Variants in STX12 observed in about 807,000 individuals in gnomAD.
STX12 encodes syntaxin 12.
A neutral mutation model predicts 42.2 loss-of-function variants in STX12; 17 were observed. The ratio of observed to expected loss-of-function variants is 0.40; its 90% CI spans 0.28 to 0.60. The LOEUF (loss-of-function observed/expected upper bound fraction) is 0.60. Ranked by LOEUF, STX12 falls within the 20% of genes least tolerant of loss-of-function variation. The pLI is 0.39. For synonymous variants in STX12, 108 were observed against 116.7 expected (o/e 0.93, Z 0.48); for missense variants, 297 against 330.9 (o/e 0.90, Z 0.79).
intron 3 of STX12, among the ~76,000 whole-genome samples, chr1:27,800,582 T>G (rs1379845330): frequency 1.3e-5 from 2 of 151,546 alleles, no homozygotes; most frequent in African/African-American, 2.4e-5. Context: ...GAGGCTGGAG[T>G]ACATGGCATG....
intron 1 of STX12, among the ~76,000 whole-genome samples, chr1:27,786,498 C>T (rs868631554): frequency 7.2e-5 from 11 of 152,096 alleles, no homozygotes; most frequent in Non-Finnish European, 1.0e-4. Context: ...TATCCTCTGC[C>T]CACCGCTGTC....
intron 1 of STX12, among the ~76,000 whole-genome samples, chr1:27,778,228 A>G (rs1411556316): frequency 6.6e-6 from 1 of 152,218 alleles, no homozygotes; most frequent in Non-Finnish European, 1.5e-5. Flanking sequence ...GGGTTGTTAC[A>G]GGTACAGCTA....
intron 6 of STX12, among the ~76,000 whole-genome samples, chr1:27,812,801 A>G (rs896903720): frequency 3.3e-5 from 5 of 152,096 alleles, no homozygotes; most frequent in African/African-American, 1.2e-4. Flanking sequence ...CCTTTCCTCA[A>G]TCACCACATC....
Position 27,773,365 on chromosome 1 carries a change from C to T in STX12, c.58C>T (p.Arg20Trp). The T allele has an allele frequency of 1.2e-6, 2 of 1,613,672 alleles. No homozygotes were observed. The highest frequency in any genetic ancestry group is 1.7e-6 in the Non-Finnish European group (2 of 1,179,726). The change falls in exon 1 of 9, where the codon CGG (arginine) becomes TGG (tryptophan). Residue 20 changes from arginine to tryptophan, a missense_variant. By Grantham distance (101) the Arg-to-Trp change is moderately radical. Coordinates refer to ENST00000373943, the MANE Select transcript of STX12 (RefSeq NM_177424.3). Reference sequence around the variant, plus strand: ...CCCGGGGCCCTCGGGGCCCCAGCTCCGGGACTTCAGCAGCATCATCCAGAC... The same window carrying T: ...CCCGGGGCCCTCGGGGCCCCAGCTCTGGGACTTCAGCAGCATCATCCAGAC... ...RNPGPSGPQLRDFSSIIQTCS... is the reference protein window; with the variant it reads ...RNPGPSGPQLWDFSSIIQTCS...
chr1:27,778,935 G>GT (rs2088645572), intron 1 of STX12, among the ~76,000 whole-genome samples: 1 of 152,094 alleles, frequency 6.6e-6, no homozygotes, highest in South Asian at 2.1e-4. Flanking sequence ...AGTTGTAAAA[G>GT]TTTTTTAGAG....
chr1:27,810,375 A>C, intron 5 of STX12, 86 bp downstream of exon 5: 3 of 1,326,432 alleles, frequency 2.3e-6, no homozygotes, highest in Admixed American at 2.0e-5. Flanking sequence ...CAATGAAAAA[A>C]TAGAGGGCAA....
At chr1:27,787,021 T>C (rs2088703354) in intron 1 of STX12, among the ~76,000 whole-genome samples, 1 of 152,212 alleles carries the variant, frequency 6.6e-6, no homozygotes, top group African/African-American at 2.4e-5. Context: ...TGAGCTATAG[T>C]GGTTCCTCAC....
chr1:27,782,120 G>T (rs920485667), intron 1 of STX12, among the ~76,000 whole-genome samples: 2 of 152,084 alleles, frequency 1.3e-5, no homozygotes, highest in African/African-American at 4.8e-5. Flanking sequence ...TTGTTGTTTT[G>T]AGAAAGGGTC....
chr1:27,821,061 A>G (rs1488704954), intron 8 of STX12, among the ~76,000 whole-genome samples: 4 of 150,946 alleles, frequency 2.6e-5, no homozygotes, highest in Non-Finnish European at 5.9e-5. Flanking sequence ...AGATATACCT[A>G]ATGCTAGATG....
chr1:27,781,861 A>G (rs1238647518), intron 1 of STX12, among the ~76,000 whole-genome samples: 1 of 151,964 alleles, frequency 6.6e-6, no homozygotes, highest in Non-Finnish European at 1.5e-5. Context: ...TGCTAAGTAC[A>G]TTTTTCTTGG....
chr1:27,814,905 C>T (rs1449520846), intron 6 of STX12, among the ~76,000 whole-genome samples: 1 of 149,550 alleles, frequency 6.7e-6, no homozygotes, highest in East Asian at 1.9e-4. Flanking sequence ...ACTCAAGCAA[C>T]CGTGGAGTGA....
At chr1:27,818,937 T>G (rs2088963441) in intron 7 of STX12, among the ~76,000 whole-genome samples, 1 of 152,156 alleles carries the variant, frequency 6.6e-6, no homozygotes, top group African/African-American at 2.4e-5. Context: ...AGTAACTCTT[T>G]TTTTTAAAGC....
chr1:27,822,238 C>A lies in STX12; in HGVS notation c.740C>A (p.Ser247Tyr), dbSNP rs768875356. The stretch of plus-strand genomic sequence containing the variant: ...ACATATTTCTTTCCTCAGAAAAAAT[C>A]TCGCAAGAAGATGTGTATCCTGGTG... ...LQRAAYYQKK[S>Y]RKKMCILVLV... Residue 247 changes from serine to tyrosine, a missense_variant, in exon 9 of 9, where the codon TCT (serine) becomes TAT (tyrosine). Physicochemically the swap from Ser to Tyr is moderately radical, Grantham distance 144 (BLOSUM62 -2). Transcript: ENST00000373943. 3 of 1,608,010 alleles carry A rather than the reference C, an allele frequency of 1.9e-6. No individual in the cohort carries two copies. The highest frequency in any genetic ancestry group is 2.6e-6 in the Non-Finnish European group (3 of 1,174,512).
intron 4 of STX12, among the ~76,000 whole-genome samples, chr1:27,807,785 ATGTC>A (rs1406698395): frequency 6.6e-6 from 1 of 152,224 alleles, no homozygotes; most frequent in African/African-American, 2.4e-5. Flanking sequence ...AAACATCCAG[ATGTC>A]TGTCAACTGT....
At chr1:27,792,101 T>C (rs1179682674) in intron 2 of STX12, among the ~76,000 whole-genome samples, 1 of 134,780 alleles carries the variant, frequency 7.4e-6, no homozygotes, top group African/African-American at 3.1e-5. Context: ...ATATAAAATA[T>C]ATAGTATATA....
At chr1:27,783,327 T>TTTTTTG (rs1444273140) in intron 1 of STX12, among the ~76,000 whole-genome samples, 2 of 152,054 alleles carry the variant, frequency 1.3e-5, no homozygotes, top group Non-Finnish European at 2.9e-5. Context: ...TAGTTGTTTG[T>TTTTTTG]TTTTTGTTTT....
chr1:27,818,071 A>C (rs1212841013), intron 7 of STX12, 148 bp downstream of exon 7: 5 of 635,608 alleles, frequency 7.9e-6, no homozygotes, highest in African/African-American at 1.8e-5. Context: ...TTGTCTCTTA[A>C]AAAAGAAAGA....
chr1:27,781,352 G>GCA (rs1230576203), intron 1 of STX12, among the ~76,000 whole-genome samples: 9 of 152,062 alleles, frequency 5.9e-5, no homozygotes, highest in Admixed American at 1.3e-4. Context: ...CCCCAGTGGT[G>GCA]ACATTATTAA....
At chr1:27,779,247 T>C (rs1429780335) in intron 1 of STX12, among the ~76,000 whole-genome samples, 2 of 152,130 alleles carry the variant, frequency 1.3e-5, no homozygotes, top group Non-Finnish European at 2.9e-5. Context: ...ATGTCTAAAG[T>C]CCTGTTTTTA....
Sources: gnomAD v4.1 joint callset for allele counts (sites outside exome capture counted in the v4.1 genomes callset) on GRCh38, gnomAD v4.1.1 for gene constraint, MANE v1.5 for transcripts, NCBI Gene and HGNC (gene_info 2026-07-23, HGNC 2026-07-21) for gene names.